CTNND2: variants seen among roughly 807,000 people sequenced by gnomAD.
The protein encoded by CTNND2 is catenin delta 2.
In CTNND2, 22 loss-of-function variants were observed where a neutral mutation model predicts 144.4. That is an observed-to-expected ratio of 0.15 (90% CI 0.11 to 0.22). CTNND2 has a LOEUF of 0.22. CTNND2 is among the 10% of genes least tolerant of loss of function. The pLI, the probability that CTNND2 is intolerant of heterozygous loss-of-function variation, is 1.00. For missense variants in CTNND2, 1,353 were observed against 1,618.8 expected, an observed-to-expected ratio of 0.84 and a Z score of 2.82; for synonymous variants, 751 against 695.6, an observed-to-expected ratio of 1.08 and a Z score of -1.25.
At chr5:11,433,915 G>C (rs1763528479) in intron 3 of CTNND2, among the ~76,000 whole-genome samples, 1 of 152,232 alleles carries the variant, frequency 6.6e-6, no homozygotes, top group Admixed American at 6.5e-5. Flanking sequence ...AAGTCGGGGA[G>C]TTTCTTTAAT....
intron 16 of CTNND2, among the ~76,000 whole-genome samples, chr5:11,024,030 C>T (rs544727751): frequency 1.1e-4 from 17 of 152,324 alleles, no homozygotes; most frequent in African/African-American, 3.8e-4. Flanking sequence ...GCACATTTAG[C>T]TAGCTCCTAA....
At chr5:11,433,144 G>A (rs911807414) in intron 3 of CTNND2, among the ~76,000 whole-genome samples, 2 of 152,208 alleles carry the variant, frequency 1.3e-5, no homozygotes, top group African/African-American at 4.8e-5. Context: ...TACTTGGGAG[G>A]CTGAGGCAGG....
chr5:11,008,118 G>A (rs575113126), intron 18 of CTNND2, among the ~76,000 whole-genome samples: 24 of 152,262 alleles, frequency 1.6e-4, no homozygotes, highest in African/African-American at 4.8e-4. Context: ...TCTGGCAGGC[G>A]TTATATCAGA....
At chr5:11,740,693 A>T (rs1471841827) in intron 1 of CTNND2, among the ~76,000 whole-genome samples, 1 of 152,206 alleles carries the variant, frequency 6.6e-6, no homozygotes, top group African/African-American at 2.4e-5. Flanking sequence ...GACAAATGAG[A>T]TCTAATTAAA....
intron 2 of CTNND2, among the ~76,000 whole-genome samples, chr5:11,652,040 G>A (rs1369860543): frequency 6.6e-6 from 1 of 152,150 alleles, no homozygotes; most frequent in Non-Finnish European, 1.5e-5. Flanking sequence ...AAGGACATGA[G>A]ATTTGGGAGG....
Position 11,641,791 on chromosome 5 carries a change from C to T in CTNND2, c.175-76735G>A, listed in dbSNP as rs1031722177. On this transcript the variant is annotated intron_variant, in intron 2 of 21. Transcript: ENST00000304623. The stretch of plus-strand genomic sequence containing the variant: ...ACGTATATGTATGTACATACATACA[C>T]GTGTACATACACGTGTATGTACATA... Among the ~76,000 whole-genome samples the T allele has an allele frequency of 4.2e-5, 6 of 143,078 alleles. No homozygotes were observed. The East Asian group carries it at 6.8e-4, about 16-fold the overall frequency. The allele number at this position is 143,078 out of a possible 152,430, so 93.9% of individuals were successfully genotyped here. A position where few individuals can be genotyped will look rare whatever the true frequency, so the allele number is the denominator to read the frequency against.
chr5:11,351,995 G>A (rs1580988284), intron 8 of CTNND2, among the ~76,000 whole-genome samples: 1 of 152,150 alleles, frequency 6.6e-6, no homozygotes, highest in African/African-American at 2.4e-5. Context: ...ATATCCAAGA[G>A]TGTCATCATT....
intron 2 of CTNND2, among the ~76,000 whole-genome samples, chr5:11,636,643 T>C (rs558875062): frequency 2.0e-4 from 31 of 152,284 alleles, no homozygotes; most frequent in Non-Finnish European, 3.8e-4. Context: ...TTTTCAGGTA[T>C]TGCTGTTAAT....
intron 12 of CTNND2, among the ~76,000 whole-genome samples, chr5:11,158,704 C>G (rs1560944047): frequency 6.6e-6 from 1 of 152,138 alleles, no homozygotes; most frequent in Non-Finnish European, 1.5e-5. Context: ...TACCTAGAAA[C>G]TGATCAACTG....
At chr5:11,679,543 A>G (rs1784334739) in intron 2 of CTNND2, among the ~76,000 whole-genome samples, 1 of 152,190 alleles carries the variant, frequency 6.6e-6, no homozygotes, top group South Asian at 2.1e-4. Flanking sequence ...TCACTCCCTC[A>G]GGTGTTAATA....
At chr5:11,681,088 CGAA>C (rs1223829222) in intron 2 of CTNND2, among the ~76,000 whole-genome samples, 2 of 152,008 alleles carry the variant, frequency 1.3e-5, no homozygotes, top group Non-Finnish European at 2.9e-5. Context: ...GAATGAGATG[CGAA>C]GAAGATCTCC....
intron 3 of CTNND2, among the ~76,000 whole-genome samples, chr5:11,555,452 G>C (rs16901742): frequency 6.6e-6 from 1 of 152,022 alleles, no homozygotes; most frequent in African/African-American, 2.4e-5. Flanking sequence ...AAAAAAGAGA[G>C]GTTTAGAGGA....
chr5:11,708,409 A>G (rs956884858), intron 2 of CTNND2, among the ~76,000 whole-genome samples: 4 of 152,166 alleles, frequency 2.6e-5, no homozygotes, highest in Non-Finnish European at 5.9e-5. Flanking sequence ...AGAAAAGATG[A>G]AACCTTTCTT....
intron 12 of CTNND2, among the ~76,000 whole-genome samples, chr5:11,127,412 C>T (rs1324437867): frequency 3.3e-5 from 5 of 152,186 alleles, no homozygotes; most frequent in African/African-American, 1.2e-4. Flanking sequence ...AAATGTGTGA[C>T]GTTTGCACGA....
At chr5:11,522,236 A>G (rs978343991) in intron 3 of CTNND2, among the ~76,000 whole-genome samples, 1 of 152,226 alleles carries the variant, frequency 6.6e-6, no homozygotes, top group Non-Finnish European at 1.5e-5. Flanking sequence ...AACGTGATAA[A>G]AGTATAATTT....
At chr5:11,419,009 T>G (rs1422352661) in intron 3 of CTNND2, among the ~76,000 whole-genome samples, 1 of 148,726 alleles carries the variant, frequency 6.7e-6, no homozygotes, top group Non-Finnish European at 1.5e-5. Context: ...TATATATATA[T>G]CTATATAGAT....
At chr5:11,711,714 G>C (rs1292125738) in intron 2 of CTNND2, among the ~76,000 whole-genome samples, 2 of 152,144 alleles carry the variant, frequency 1.3e-5, no homozygotes, top group Non-Finnish European at 2.9e-5. Context: ...AACACTCCTA[G>C]TTACTGTTAA....
chr5:11,492,395 GTA>G (rs1393160087), intron 3 of CTNND2, among the ~76,000 whole-genome samples: 1 of 152,092 alleles, frequency 6.6e-6, no homozygotes, highest in African/African-American at 2.4e-5. Context: ...ATATTTGTAA[GTA>G]TGTGTAAATA....
chr5:11,783,686 GA>G (rs1184743500), intron 1 of CTNND2, among the ~76,000 whole-genome samples: 5 of 152,146 alleles, frequency 3.3e-5, no homozygotes, highest in Non-Finnish European at 7.4e-5. Flanking sequence ...GCAGTATGCT[GA>G]ATACCTGTAT....
Sources: allele counts gnomAD v4.1 joint callset (sites outside exome capture counted in the v4.1 genomes callset), GRCh38; gene constraint gnomAD v4.1.1; transcripts MANE v1.5; gene names NCBI Gene and HGNC (gene_info 2026-07-23, HGNC 2026-07-21).